The following ANAPC1 variants were observed in gnomAD, a reference collection of about 807,000 sequenced individuals.
ANAPC1 encodes anaphase-promoting complex subunit 1.
Under a neutral mutation model 208.0 loss-of-function variants are expected in ANAPC1, and 36 were observed. The observed-to-expected ratio is 0.17, with a 90% CI of 0.13 to 0.23. ANAPC1 has a LOEUF of 0.23. ANAPC1 is among the 10% of genes least tolerant of loss of function. The pLI is 1.00. For missense variants in ANAPC1, 942 were observed against 2,011.6 expected, an observed-to-expected ratio of 0.47 and a Z score of 10.17; for synonymous variants, 378 against 695.2, an observed-to-expected ratio of 0.54 and a Z score of 7.18.
chr2:111,847,412 T>C (rs1250193994), intron 15 of ANAPC1, among the ~76,000 whole-genome samples: 2 of 152,236 alleles, frequency 1.3e-5, no homozygotes, highest in Admixed American at 6.5e-5. Context: ...AAAAAGTGTC[T>C]AATCTTTATA....
chr2:111,804,506 CTTTT>C (rs1183612859), intron 30 of ANAPC1, among the ~76,000 whole-genome samples: 1 of 77,970 alleles, frequency 1.3e-5, no homozygotes, highest in Admixed American at 1.5e-4. Flanking sequence ...TGATTCTTTT[CTTTT>C]TTTTTTTTTT....
chr2:111,769,904 G>A (rs902296846), intron 47 of ANAPC1, among the ~76,000 whole-genome samples: 1 of 151,084 alleles, frequency 6.6e-6, no homozygotes. Flanking sequence ...GGATGGTCTC[G>A]ATCTCCTGAC....
intron 8 of ANAPC1, 106 bp downstream of exon 8, chr2:111,864,700 T>C: frequency 6.4e-7 from 1 of 1,565,058 alleles, no homozygotes; most frequent in Non-Finnish European, 8.7e-7. Context: ...TGACCTCAAG[T>C]GATCCGCCTG....
At chr2:111,778,152 G>A (rs1453800653) in intron 45 of ANAPC1, among the ~76,000 whole-genome samples, 1 of 151,808 alleles carries the variant, frequency 6.6e-6, no homozygotes, top group African/African-American at 2.4e-5. Context: ...ACATTATTAA[G>A]CATTATTTTC....
intron 39 of ANAPC1, among the ~76,000 whole-genome samples, chr2:111,787,604 C>T (rs1558665127): frequency 6.6e-6 from 1 of 152,092 alleles, no homozygotes; most frequent in East Asian, 1.9e-4. Flanking sequence ...TATTCTCTGC[C>T]CCCATATGCA....
At chr2:111,793,508 G>A (rs1435999429) in intron 37 of ANAPC1, among the ~76,000 whole-genome samples, 1 of 151,976 alleles carries the variant, frequency 6.6e-6, no homozygotes, top group Admixed American at 6.6e-5. Flanking sequence ...TTATAGGCAT[G>A]AGCCACTGCA....
At chr2:111,862,358 T>A (rs373102093) in intron 10 of ANAPC1, 31 bp downstream of exon 10, 1 of 1,434,496 alleles carries the variant, frequency 7.0e-7, no homozygotes, top group Admixed American at 2.9e-5. Context: ...AGCAACATTT[T>A]TCTTTGAATA....
At chr2:111,872,834 T>A in intron 5 of ANAPC1, 122 bp from the exon 6 acceptor site, 1 of 673,194 alleles carries the variant, frequency 1.5e-6, no homozygotes, top group East Asian at 2.8e-5. Flanking sequence ...CAAAGTAACA[T>A]AATCATTAAA....
chr2:111,787,160 A>AAC (rs1677603377), intron 39 of ANAPC1, among the ~76,000 whole-genome samples: 2 of 134,498 alleles, frequency 1.5e-5, no homozygotes, highest in Non-Finnish European at 3.2e-5. Flanking sequence ...AAAAAAAAAA[A>AAC]AAAAGATTCT....
intron 3 of ANAPC1, among the ~76,000 whole-genome samples, chr2:111,876,555 A>G (rs1026921162): frequency 6.6e-6 from 1 of 152,208 alleles, no homozygotes; most frequent in Admixed American, 6.5e-5. Flanking sequence ...ATATAGAAGC[A>G]AAGAACTACT....
intron 44 of ANAPC1, chr2:111,779,407 T>A (rs1408945517): frequency 6.6e-6 from 1 of 150,956 alleles, no homozygotes; most frequent in Non-Finnish European, 1.5e-5. Context: ...TTTCACTTAA[T>A]CCTCAAAACA....
chr2:111,864,448 T>TCATATA (rs1682282419), intron 8 of ANAPC1, among the ~76,000 whole-genome samples: 1 of 81,000 alleles, frequency 1.2e-5, no homozygotes, highest in Non-Finnish European at 3.0e-5. Flanking sequence ...AACTACTCTT[T>TCATATA]CATATATATA....
At chr2:111,862,776 C>G (rs1468924713) in intron 9 of ANAPC1, among the ~76,000 whole-genome samples, 178 bp from the exon 10 acceptor site, 3 of 152,042 alleles carry the variant, frequency 2.0e-5, no homozygotes, top group Non-Finnish European at 4.4e-5. Context: ...TGTCAATGTG[C>G]TTTACTATAT....
At chr2:111,775,823 G>C (rs1337986704) in intron 46 of ANAPC1, among the ~76,000 whole-genome samples, 1 of 152,146 alleles carries the variant, frequency 6.6e-6, no homozygotes, top group Admixed American at 6.6e-5. Context: ...GAAAACCTTT[G>C]AAATAACATG....
chr2:111,787,162 A>T (rs529582520), intron 39 of ANAPC1, among the ~76,000 whole-genome samples: 28 of 151,660 alleles, frequency 1.8e-4, no homozygotes, highest in African/African-American at 6.3e-4. Flanking sequence ...AAAAAAAAAA[A>T]AAGATTCTTG....
Position 111,824,953 on chromosome 2 carries a change from A to C in ANAPC1, c.2812+13T>G, listed in dbSNP as rs1338485290. 2 of 1,613,828 alleles carry C rather than the reference A, an allele frequency of 1.2e-6. No individual in the cohort carries two copies. Among genetic ancestry groups the C allele is most frequent in the Admixed American group, 3.3e-5 (2 of 60,012 alleles). Reference sequence around the variant, plus strand: ...AGCACGGCCTAGTTAGGAGGTAACAAAGAAGCTCTCACCTACATTAGTCAT... The same window carrying C: ...AGCACGGCCTAGTTAGGAGGTAACACAGAAGCTCTCACCTACATTAGTCAT... On this transcript the variant is annotated intron_variant, in intron 24 of 47. Coordinates refer to ENST00000341068, the MANE Select transcript of ANAPC1 (RefSeq NM_022662.4).
chr2:111,844,583 A>G (rs1680949872), intron 16 of ANAPC1, among the ~76,000 whole-genome samples: 1 of 151,772 alleles, frequency 6.6e-6, no homozygotes, highest in Admixed American at 6.6e-5. Flanking sequence ...AAAAAAAAAA[A>G]AAGTCACTAT....
intron 43 of ANAPC1, 23 bp downstream of exon 43, chr2:111,782,346 T>C (rs756429670): frequency 6.2e-7 from 1 of 1,612,852 alleles, no homozygotes; most frequent in Admixed American, 1.7e-5. Flanking sequence ...TTTCTTTCCG[T>C]TTTTACCAAT....
intron 20 of ANAPC1, among the ~76,000 whole-genome samples, chr2:111,832,482 G>C (rs530527581): frequency 6.6e-6 from 1 of 152,214 alleles, no homozygotes; most frequent in South Asian, 2.1e-4. Flanking sequence ...TTCTGTGTCT[G>C]TATCTGCACT....
Sources: gnomAD v4.1 joint callset for allele counts (sites outside exome capture counted in the v4.1 genomes callset) on GRCh38, gnomAD v4.1.1 for gene constraint, MANE v1.5 for transcripts, NCBI Gene and HGNC (gene_info 2026-07-23, HGNC 2026-07-21) for gene names.